The following ZNF66 variants were observed in gnomAD, a reference collection of about 807,000 sequenced individuals.
ZNF66 encodes zinc finger protein 66.
In ZNF66, 32 loss-of-function variants were observed where a neutral mutation model predicts 35.2. The observed-to-expected ratio is 0.91, with a 90% CI of 0.69 to 1.22. The LOEUF (loss-of-function observed/expected upper bound fraction) is 1.22, where lower values mean the gene tolerates loss of function less well. ZNF66 is among the 50% of genes most tolerant of loss of function. The probability of loss-of-function intolerance (pLI) is 0.00; values close to 1 mark genes in which losing one functional copy is unlikely to be tolerated. For missense variants in ZNF66, 666 were observed against 543.1 expected (o/e 1.23, Z -2.25); for synonymous variants, 231 against 181.3 (o/e 1.27, Z -2.20).
intron 3 of ZNF66, among the ~76,000 whole-genome samples, chr19:20,797,307 C>T (rs1356388845): frequency 8.0e-6 from 1 of 124,442 alleles, no homozygotes; most frequent in Non-Finnish European, 1.6e-5. Flanking sequence ...CTGGGGTTCA[C>T]GCCATTCTCC....
intron 3 of ZNF66, among the ~76,000 whole-genome samples, chr19:20,797,861 C>T (rs1034940824): frequency 1.3e-5 from 2 of 152,024 alleles, no homozygotes; most frequent in Non-Finnish European, 2.9e-5. Context: ...TGCACCTGGC[C>T]TCAGTGTAGG....
chr19:20,805,422 G>A lies in ZNF66; in HGVS notation c.227-405G>A, dbSNP rs141086534. On this transcript the variant is annotated intron_variant, in intron 3 of 3. Transcript: ENST00000344519. ...TTGGCCAGGCTGCCTTTGAACTCCT[G>A]ACCTCATGATCAACCCATGTCAGCC... Among the ~76,000 whole-genome samples the A allele has an allele frequency of 4.1e-3, 624 of 152,182 alleles. 2 individuals are homozygous for A. The highest frequency in any genetic ancestry group is 0.014 in the African/African-American group (582 of 41,524).
intron 3 of ZNF66, among the ~76,000 whole-genome samples, chr19:20,800,189 T>C (rs1350508661): frequency 1.3e-5 from 2 of 152,160 alleles, no homozygotes; most frequent in Non-Finnish European, 2.9e-5. Flanking sequence ...GCTAATTGTT[T>C]GCTAGTTTAT....
intron 3 of ZNF66, among the ~76,000 whole-genome samples, 177 bp from the exon 4 acceptor site, chr19:20,805,650 T>C (rs1971495010): frequency 6.6e-6 from 1 of 152,174 alleles, no homozygotes; most frequent in Admixed American, 6.6e-5. Context: ...TTTTTACAAA[T>C]GTATTTTGGG....
rs1180492829 is a variant in ZNF66 at position 20,792,654 on chromosome 19, A to G, written c.130+16A>G. ...GTCTTTCTTGGTGAGAAAAACTTTA[A>G]TACATAACTCATAATATACACAAAT... On this transcript the variant is annotated intron_variant, in intron 2 of 3. Coordinates refer to ENST00000344519, the MANE Select transcript of ZNF66 (RefSeq NM_001355197.2). 2.3e-5 allele frequency: 29 copies of G among 1,238,716 alleles called. No homozygotes were observed. Among genetic ancestry groups the G allele is most frequent in the Non-Finnish European group, 3.0e-5 (26 of 862,454 alleles). The allele number at this position is 1,238,716 out of a possible 1,614,324, so 76.7% of individuals were successfully genotyped here. A position where few individuals can be genotyped will look rare whatever the true frequency, so the allele number is the denominator to read the frequency against.
chr19:20,790,872 C>T, intron 1 of ZNF66, among the ~76,000 whole-genome samples: 1 of 152,116 alleles, frequency 6.6e-6, no homozygotes, highest in East Asian at 1.9e-4. Flanking sequence ...TGTTTTTCCT[C>T]CCTAAGGAGT....
At position 20,806,453 on chromosome 19, in the gene ZNF66, T is replaced by C; in HGVS notation, c.853T>C (p.Tyr285His). The change falls in exon 4 of 4, where the codon TAC becomes CAC. Residue 285 changes from tyrosine (Y) to histidine (H), a missense_variant. Coordinates refer to ENST00000344519, the MANE Select transcript of ZNF66 (RefSeq NM_001355197.2). Reference protein sequence around the residue: ...HKRIHTGEKPYKCEECGKVFK... With the variant: ...HKRIHTGEKPHKCEECGKVFK... ...GAGAATTCATACTGGAGAGAAACCC[T>C]ACAAATGTGAAGAATGTGGCAAAGT... is the stretch of plus-strand genomic sequence containing the variant. 6.5e-7 allele frequency: 1 copy of C among 1,544,194 alleles called. No homozygotes were observed. The highest frequency in any genetic ancestry group is 1.1e-5 in the South Asian group (1 of 89,654).
intron 3 of ZNF66, among the ~76,000 whole-genome samples, chr19:20,796,394 G>A (rs1279094586): frequency 6.6e-6 from 1 of 152,120 alleles, no homozygotes; most frequent in Non-Finnish European, 1.5e-5. Context: ...TATGCCTGAA[G>A]TAAATTAGAT....
rs190001687 is a variant in ZNF66 at position 20,806,914 on chromosome 19, T to C, written c.1314T>C (p.Ser438=). ...EECGKAFSRS[S]ILTTHKIIHT... Reference sequence around the variant, plus strand: ...GTGGCAAAGCCTTCAGTCGGTCCTCTATTCTTACTACACATAAGATAATTC... The same window carrying C: ...GTGGCAAAGCCTTCAGTCGGTCCTCCATTCTTACTACACATAAGATAATTC... Residue 438 remains serine, a synonymous_variant, in exon 4 of 4, where the codon TCT becomes TCC. Transcript: ENST00000344519. 3 of 1,202,956 alleles carry C rather than the reference T, an allele frequency of 2.5e-6. No homozygotes were observed. Among genetic ancestry groups the C allele is most frequent in the Non-Finnish European group, 3.7e-6 (3 of 808,164 alleles). 74.5% of individuals were successfully genotyped at this position (1,202,956 alleles called of 1,614,324 possible). A position where few individuals can be genotyped will look rare whatever the true frequency, so the allele number is the denominator to read the frequency against.
intron 3 of ZNF66, among the ~76,000 whole-genome samples, chr19:20,795,919 A>T (rs961892674): frequency 6.6e-6 from 1 of 152,178 alleles, no homozygotes; most frequent in Non-Finnish European, 1.5e-5. Context: ...GGTGAACCCT[A>T]TCTGGTCTGT....
rs1002946446 is a variant in ZNF66, at chr19:20,809,356, G to A, written c.*2034G>A. ...GCCACAAAGATACTCCTTGAGAAGA[G>A]CAACTCCAAGACACATAATTGTCAG... On this transcript the variant is annotated 3_prime_UTR_variant, in exon 4 of 4. Coordinates refer to ENST00000344519, the MANE Select transcript of ZNF66 (RefSeq NM_001355197.2). Among the ~76,000 whole-genome samples the A allele has an allele frequency of 1.3e-5, 2 of 151,898 alleles. No homozygotes were observed. Among genetic ancestry groups the A allele is most frequent in the African/African-American group, 4.8e-5 (2 of 41,344 alleles).
At position 20,807,811 on chromosome 19, in the gene ZNF66, T is replaced by A. The variant is rs1470172560; in HGVS notation, c.*489T>A. Among the ~76,000 whole-genome samples, 2 of 152,126 alleles carry A rather than the reference T, an allele frequency of 1.3e-5. No homozygotes were observed. Among genetic ancestry groups the A allele is most frequent in the African/African-American group, 2.4e-5 (1 of 41,424 alleles). ...GCAGAAGATGGGTGATTTCTGCATT[T>A]CCGTCTGATGTACCAGGTTCATCTC... is the stretch of plus-strand genomic sequence containing the variant. On this transcript the variant is annotated 3_prime_UTR_variant, in exon 4 of 4. Transcript: ENST00000344519.
At chr19:20,797,399 G>T (rs1475965794) in intron 3 of ZNF66, among the ~76,000 whole-genome samples, 8 of 128,914 alleles carry the variant, frequency 6.2e-5, no homozygotes, top group African/African-American at 2.3e-4. Flanking sequence ...GTAGAGACGG[G>T]GTTTCACCGT....
intron 3 of ZNF66, among the ~76,000 whole-genome samples, chr19:20,796,993 G>C (rs1485891746): frequency 2.6e-5 from 4 of 151,994 alleles, no homozygotes; most frequent in African/African-American, 9.7e-5. Flanking sequence ...TGGGGTTACA[G>C]GCATGTGTCA....
intron 3 of ZNF66, among the ~76,000 whole-genome samples, chr19:20,796,681 G>A (rs1461891642): frequency 6.6e-6 from 1 of 151,986 alleles, no homozygotes; most frequent in Non-Finnish European, 1.5e-5. Context: ...AACATTAAAA[G>A]TAACTAGTTT....
intron 1 of ZNF66, among the ~76,000 whole-genome samples, chr19:20,779,385 G>T (rs1971224972): frequency 6.6e-6 from 1 of 152,232 alleles, no homozygotes; most frequent in African/African-American, 2.4e-5. Context: ...GAAAAAGTCA[G>T]ATTTTAGATC....
intron 1 of ZNF66, among the ~76,000 whole-genome samples, chr19:20,780,417 G>A (rs150176665): frequency 5.7e-4 from 87 of 152,240 alleles, no homozygotes; most frequent in African/African-American, 2.0e-3. Flanking sequence ...CATAACTACA[G>A]TGTTTTGCTA....
rs1184476429 is a variant in ZNF66, at chr19:20,782,401, T to C, written c.3+5951T>C. 2.6e-5 allele frequency among the ~76,000 whole-genome samples: 4 copies of C among 152,292 alleles called. No homozygotes were observed. The East Asian group carries it at 7.7e-4, about 29-fold the overall frequency. On this transcript the variant is annotated intron_variant, in intron 1 of 3. Transcript: ENST00000344519. ...TTGGGTATATACCCAATTTTGAGAT[T>C]TCTGGGTCAAATGATAATTCTGTTA... is the stretch of plus-strand genomic sequence containing the variant.
At chr19:20,786,363 T>A (rs943905631) in intron 1 of ZNF66, among the ~76,000 whole-genome samples, 1 of 152,194 alleles carries the variant, frequency 6.6e-6, no homozygotes, top group African/African-American at 2.4e-5. Context: ...GACTCTTGTA[T>A]CTTCAGACTG....
Sources: gnomAD v4.1 joint callset for allele counts (sites outside exome capture counted in the v4.1 genomes callset) on GRCh38, gnomAD v4.1.1 for gene constraint, MANE v1.5 for transcripts, NCBI Gene and HGNC (gene_info 2026-07-23, HGNC 2026-07-21) for gene names.